Variants in GPR15LG observed in about 807,000 individuals in gnomAD.
The protein encoded by GPR15LG is G protein-coupled receptor 15 ligand.
At chr10:84,181,532 C>T in the GPR15LG span, among the ~76,000 whole-genome samples, 1 of 152,194 alleles carries the variant, frequency 6.6e-6, no homozygotes, top group African/African-American at 2.4e-5. Flanking sequence ...CTCAAGTGAT[C>T]CGCTTCAGCC....
the GPR15LG span, chr10:84,184,947 C>A: frequency 6.9e-7 from 1 of 1,450,334 alleles, no homozygotes; most frequent in Non-Finnish European, 9.0e-7. Context: ...CTCAATTGTG[C>A]CATCAACTTT....
At chr10:84,175,085 A>G in the GPR15LG span, among the ~76,000 whole-genome samples, 2 of 152,320 alleles carry the variant, frequency 1.3e-5, no homozygotes, top group South Asian at 4.1e-4. Context: ...ATATATTGTT[A>G]TAATCACCCA....
the GPR15LG span, among the ~76,000 whole-genome samples, chr10:84,179,775 C>T: frequency 6.6e-6 from 1 of 152,126 alleles, no homozygotes; most frequent in Non-Finnish European, 1.5e-5. Context: ...ATGTGGAAGG[C>T]CCAGGACTCT....
the GPR15LG span, chr10:84,184,942 T>C: frequency 2.7e-6 from 4 of 1,456,904 alleles, no homozygotes; most frequent in African/African-American, 5.8e-5. Flanking sequence ...CTTGTCTCAA[T>C]TGTGCCATCA....
the GPR15LG span, among the ~76,000 whole-genome samples, chr10:84,183,519 T>A: frequency 6.6e-6 from 1 of 152,252 alleles, no homozygotes; most frequent in Non-Finnish European, 1.5e-5. Flanking sequence ...TCTCATTTTT[T>A]AATTTTTAAA....
chr10:84,177,994 A>G, the GPR15LG span, among the ~76,000 whole-genome samples: 1 of 152,104 alleles, frequency 6.6e-6, no homozygotes, highest in South Asian at 2.1e-4. Flanking sequence ...AAGTAGATAC[A>G]CACCACACAA....
At chr10:84,182,367 G>T in the GPR15LG span, among the ~76,000 whole-genome samples, 2 of 152,306 alleles carry the variant, frequency 1.3e-5, no homozygotes, top group African/African-American at 4.8e-5. Context: ...GTGACCCAAA[G>T]CAGTGTTTAT....
the GPR15LG span, among the ~76,000 whole-genome samples, chr10:84,183,576 A>G: frequency 0.015 from 2,320 of 152,232 alleles, 23 homozygotes; most frequent in Non-Finnish European, 0.024. Flanking sequence ...AGTGTTCATA[A>G]CCACAGGGTT....
the GPR15LG span, among the ~76,000 whole-genome samples, chr10:84,182,314 T>C: frequency 6.6e-6 from 1 of 152,212 alleles, no homozygotes; most frequent in African/African-American, 2.4e-5. Context: ...CTTGTGATTA[T>C]ATCTGTTAGC....
the GPR15LG span, chr10:84,184,981 A>T: frequency 7.2e-7 from 1 of 1,393,750 alleles, no homozygotes; most frequent in Non-Finnish European, 9.3e-7. Context: ...AGCCAACCTC[A>T]CCCCACAGGG....
chr10:84,181,534 G>A, the GPR15LG span, among the ~76,000 whole-genome samples: 16 of 152,274 alleles, frequency 1.1e-4, no homozygotes, highest in African/African-American at 2.9e-4. Flanking sequence ...CAAGTGATCC[G>A]CTTCAGCCTC....
At chr10:84,183,618 A>T in the GPR15LG span, among the ~76,000 whole-genome samples, 1 of 151,932 alleles carries the variant, frequency 6.6e-6, no homozygotes, top group African/African-American at 2.4e-5. Context: ...ATCATCATGA[A>T]TTATCATTAA....
the GPR15LG span, among the ~76,000 whole-genome samples, chr10:84,178,248 C>T: frequency 9.9e-5 from 15 of 151,522 alleles, no homozygotes; most frequent in Admixed American, 2.0e-4. Flanking sequence ...TACAAACACA[C>T]GGACACATAC....
the GPR15LG span, among the ~76,000 whole-genome samples, chr10:84,180,327 A>T: frequency 3.3e-5 from 5 of 152,016 alleles, no homozygotes; most frequent in Non-Finnish European, 7.4e-5. Flanking sequence ...TTTTCCCCAC[A>T]TTTCCCCCTT....
chr10:84,180,581 G>A, the GPR15LG span, among the ~76,000 whole-genome samples: 2 of 152,112 alleles, frequency 1.3e-5, no homozygotes, highest in Non-Finnish European at 2.9e-5. Context: ...CGGCCGGGAA[G>A]AGGCACTCCT....
chr10:84,178,002 C>T, the GPR15LG span, among the ~76,000 whole-genome samples: 16,156 of 152,122 alleles, frequency 0.11, 1,070 homozygotes, highest in South Asian at 0.15. Context: ...ACACACCACA[C>T]AACCACACAC....
At chr10:84,182,572 G>T in the GPR15LG span, among the ~76,000 whole-genome samples, 2 of 152,150 alleles carry the variant, frequency 1.3e-5, no homozygotes, top group Non-Finnish European at 2.9e-5. Context: ...CTTCGCAGGC[G>T]AGCCCAGACT....
the GPR15LG span, among the ~76,000 whole-genome samples, chr10:84,183,759 C>T: frequency 6.6e-6 from 1 of 152,050 alleles, no homozygotes; most frequent in South Asian, 2.1e-4. Flanking sequence ...GATCCTCCCA[C>T]CTCAGCCTCC....
chr10:84,177,880 T>C, the GPR15LG span, among the ~76,000 whole-genome samples: 1 of 152,166 alleles, frequency 6.6e-6, no homozygotes, highest in African/African-American at 2.4e-5. Flanking sequence ...TCCCCTCTCC[T>C]GCACCAACTG....
Sources: allele counts gnomAD v4.1 joint callset (sites outside exome capture counted in the v4.1 genomes callset), GRCh38; gene constraint gnomAD v4.1.1; transcripts MANE v1.5; gene names NCBI Gene and HGNC (gene_info 2026-07-23, HGNC 2026-07-21).